PKD1L1: variants seen among roughly 807,000 people sequenced by gnomAD.
PKD1L1 encodes the protein polycystin 1 like 1, transient receptor potential channel interacting.
Under a neutral mutation model 323.4 loss-of-function variants are expected in PKD1L1, and 236 were observed. The observed-to-expected ratio is 0.73, with a 90% CI of 0.66 to 0.81. The LOEUF is 0.81. Ranked by LOEUF, PKD1L1 falls within the 40% of genes least tolerant of loss-of-function variation. PKD1L1 has a pLI of 0.00. For synonymous variants in PKD1L1, 1,344 were observed against 1,335.0 expected (o/e 1.01, Z -0.15); for missense variants, 3,320 against 3,508.0 (o/e 0.95, Z 1.35).
intron 16 of PKD1L1, among the ~76,000 whole-genome samples, chr7:47,888,808 C>T (rs1310790734): frequency 6.6e-6 from 1 of 152,054 alleles, no homozygotes; most frequent in African/African-American, 2.4e-5. Context: ...GCTGACCCAG[C>T]ACTTTCCAGA....
chr7:47,864,806 C>T (rs940903799), intron 26 of PKD1L1, among the ~76,000 whole-genome samples: 3 of 151,614 alleles, frequency 2.0e-5, no homozygotes, highest in Admixed American at 1.3e-4. Flanking sequence ...GCAACCTCCG[C>T]CTCCTGGCTT....
chr7:47,902,805 C>T (rs952367290), intron 12 of PKD1L1, among the ~76,000 whole-genome samples: 7 of 152,196 alleles, frequency 4.6e-5, no homozygotes, highest in Non-Finnish European at 1.0e-4. Context: ...ATGTTGCTTC[C>T]TTCTTTGGGC....
intron 45 of PKD1L1, among the ~76,000 whole-genome samples, chr7:47,823,156 A>T (rs1455703131): frequency 2.6e-5 from 4 of 152,198 alleles, no homozygotes; most frequent in Non-Finnish European, 5.9e-5. Flanking sequence ...CTTAAAAAAC[A>T]TTCGATATCT....
chr7:47,832,586 G>T (rs1785370025), intron 41 of PKD1L1, among the ~76,000 whole-genome samples: 2 of 152,150 alleles, frequency 1.3e-5, no homozygotes, highest in African/African-American at 4.8e-5. Flanking sequence ...GTACCATGTG[G>T]CTCTAGGATC....
chr7:47,911,821 TATC>T, intron 8 of PKD1L1, among the ~76,000 whole-genome samples: 1 of 151,120 alleles, frequency 6.6e-6, no homozygotes, highest in Middle Eastern at 3.4e-3. Context: ...TGGCTGTGAA[TATC>T]ATCAACACGC....
Position 47,915,618 on chromosome 7 carries a change from GAAAAT to G in PKD1L1, c.1061-24_1061-20del. 1 of 1,426,416 alleles carries G rather than the reference GAAAAT, an allele frequency of 7.0e-7. No homozygotes were observed. The highest frequency in any genetic ancestry group is 9.6e-7 in the Non-Finnish European group (1 of 1,040,976). The allele number at this position is 1,426,416 out of a possible 1,614,324, so 88.4% of individuals were successfully genotyped here. ...AAAATACCTATAAAAGCAAAAAGAAGAAAATAAAGATAAAAGTGGAAATTAATAAA... is the reference window on the plus strand; with the variant it reads ...AAAATACCTATAAAAGCAAAAAGAAGAAAGATAAAAGTGGAAATTAATAAA... On this transcript the variant is annotated intron_variant, in intron 7 of 56. Transcript: ENST00000289672.
intron 54 of PKD1L1, among the ~76,000 whole-genome samples, chr7:47,798,790 C>CA (rs1255317680): frequency 1.4e-5 from 2 of 147,998 alleles, no homozygotes; most frequent in African/African-American, 5.0e-5. Context: ...AACAAAGAAA[C>CA]AAAAAAAATT....
upstream of PKD1L1, among the ~76,000 whole-genome samples, chr7:47,950,523 G>A (rs1350488429): frequency 6.6e-6 from 1 of 152,002 alleles, no homozygotes; most frequent in Admixed American, 6.6e-5. Flanking sequence ...TTAAGAATTA[G>A]CTGGAGAAAC....
chr7:47,883,216 A>G (rs965866581), intron 19 of PKD1L1, among the ~76,000 whole-genome samples: 1 of 152,204 alleles, frequency 6.6e-6, no homozygotes, highest in South Asian at 2.1e-4. Context: ...AAAATGAAAC[A>G]AAAGCGTTCT....
Position 47,902,653 on chromosome 7 carries a change from G to T in PKD1L1, c.1932-142C>A, listed in dbSNP as rs1583661700. ...CCATGAATAAGAACAGAAGAGTCAA[G>T]GGTCACAAGACTGATTTCCACAGAG... is the stretch of plus-strand genomic sequence containing the variant. On this transcript the variant is annotated intron_variant, in intron 12 of 56. Transcript: ENST00000289672. The T allele has an allele frequency of 1.0e-5, 11 of 1,069,616 alleles. No homozygotes were observed. In the East Asian group the frequency reaches 2.8e-4, roughly 27 times the overall value. The allele number at this position is 1,069,616 out of a possible 1,614,324, so 66.3% of individuals were successfully genotyped here.
chr7:47,813,599 C>T, intron 48 of PKD1L1: 1 of 664,034 alleles, frequency 1.5e-6, no homozygotes, highest in Non-Finnish European at 2.8e-6. Flanking sequence ...GCATACCCTC[C>T]CCATTAGAAA....
At position 47,827,340 on chromosome 7, in the gene PKD1L1, C is replaced by T. The variant is rs369644063; in HGVS notation, c.6854+10G>A. 74 of 1,598,832 alleles carry T rather than the reference C, an allele frequency of 4.6e-5. No homozygotes were observed. The highest frequency in any genetic ancestry group is 4.4e-4 in the African/African-American group (33 of 74,520). Reference sequence around the variant, plus strand: ...TGGAGCAAGCCCTCCCGACAGAAGCCGCCACCCACCTCAGGGCAGCCCGTG... The same window carrying T: ...TGGAGCAAGCCCTCCCGACAGAAGCTGCCACCCACCTCAGGGCAGCCCGTG... On this transcript the variant is annotated intron_variant, in intron 45 of 56. Transcript: ENST00000289672.
At chr7:47,834,771 T>C (rs1225136073) in intron 39 of PKD1L1, among the ~76,000 whole-genome samples, 196 bp downstream of exon 39, 1 of 152,226 alleles carries the variant, frequency 6.6e-6, no homozygotes, top group African/African-American at 2.4e-5. Context: ...TTTTATAAGG[T>C]TCATATAAAT....
At chr7:47,877,119 G>GC (rs139476569) in intron 22 of PKD1L1, among the ~76,000 whole-genome samples, 2 of 150,552 alleles carry the variant, frequency 1.3e-5, no homozygotes, top group South Asian at 2.1e-4. Context: ...TTAGAAATGT[G>GC]CCTGGGGAGG....
chr7:47,844,659 G>A (rs1338438348), intron 33 of PKD1L1, among the ~76,000 whole-genome samples: 1 of 152,090 alleles, frequency 6.6e-6, no homozygotes, highest in East Asian at 1.9e-4. Flanking sequence ...AGGCTCTTTA[G>A]GTATTATTGT....
In PKD1L1 at chr7:47,866,632, G is replaced by C. The variant is rs754010129; in HGVS notation, c.3897-18C>G. 13 of 1,582,218 alleles carry C rather than the reference G, an allele frequency of 8.2e-6. No homozygotes were observed. The African/African-American group carries it at 1.8e-4, about 22-fold the overall frequency. On this transcript the variant is annotated intron_variant, in intron 24 of 56. Coordinates refer to ENST00000289672, the MANE Select transcript of PKD1L1 (RefSeq NM_138295.5). ...AATTATACCTGAAGGAAACACAAGA[G>C]TTATCATTACTGTTCCAACACACGG...
At chr7:47,912,202 A>AGTTG (rs1787336473) in intron 8 of PKD1L1, among the ~76,000 whole-genome samples, 1 of 152,208 alleles carries the variant, frequency 6.6e-6, no homozygotes. Context: ...AAACAAAGTC[A>AGTTG]ACATTTTAGA....
chr7:47,856,020 A>C (rs1186910182), intron 28 of PKD1L1, among the ~76,000 whole-genome samples: 1 of 151,976 alleles, frequency 6.6e-6, no homozygotes, highest in African/African-American at 2.4e-5. Context: ...TTGGCAGACA[A>C]TTTAGTTGTC....
chr7:47,893,870 G>A lies in PKD1L1; in HGVS notation c.2453+8C>T. 1.2e-6 allele frequency: 2 copies of A among 1,611,570 alleles called. No individual in the cohort carries two copies. The highest frequency in any genetic ancestry group is 2.2e-5 in the East Asian group (1 of 44,818). On this transcript the variant is annotated splice_region_variant and intron_variant, in intron 15 of 56. Coordinates refer to ENST00000289672, the MANE Select transcript of PKD1L1 (RefSeq NM_138295.5). ...AGCTGCGCAGCTCTGTGTGGGGGTG[G>A]TGCTCACCTGAGAGTCGCCCCAGGG...
Sources: allele counts gnomAD v4.1 joint callset (sites outside exome capture counted in the v4.1 genomes callset), GRCh38; gene constraint gnomAD v4.1.1; transcripts MANE v1.5; gene names NCBI Gene and HGNC (gene_info 2026-07-23, HGNC 2026-07-21).